HPSE2: variants seen among roughly 807,000 people sequenced by gnomAD.
HPSE2 encodes the protein inactive heparanase-2.
HPSE2 carries 38 observed loss-of-function variants against 60.5 expected under a neutral mutation model. The ratio of observed to expected loss-of-function variants is 0.63; its 90% confidence interval spans 0.48 to 0.82. HPSE2 has a LOEUF of 0.82. Ranked by LOEUF, HPSE2 falls within the 40% of genes least tolerant of loss-of-function variation. The probability of loss-of-function intolerance (pLI) is 0.00; values close to 1 mark genes in which losing one functional copy is unlikely to be tolerated. For synonymous variants in HPSE2, 295 were observed against 293.2 expected, an observed-to-expected ratio of 1.01 and a Z score of -0.06; for missense variants, 713 against 740.4, an observed-to-expected ratio of 0.96 and a Z score of 0.43.
intron 9 of HPSE2, among the ~76,000 whole-genome samples, chr10:98,492,788 C>G (rs977612224): frequency 4.0e-5 from 6 of 148,594 alleles, no homozygotes; most frequent in Non-Finnish European, 8.8e-5. Flanking sequence ...TAATGACCAA[C>G]ATTTTTTCCC....
At chr10:98,532,248 T>G (rs1943153194) in intron 9 of HPSE2, among the ~76,000 whole-genome samples, 1 of 152,164 alleles carries the variant, frequency 6.6e-6, no homozygotes, top group African/African-American at 2.4e-5. Context: ...TCTCCCAAAT[T>G]GTTTGTTATG....
At chr10:99,311,570 G>C in the HPSE2 span, among the ~76,000 whole-genome samples, 5 of 152,306 alleles carry the variant, frequency 3.3e-5, no homozygotes, top group South Asian at 1.0e-3. Context: ...TGTTGTGTGT[G>C]TTCTGACTGC....
rs1040769171 is a variant in HPSE2, at chr10:98,744,442, G to A, written c.611-386C>T. 5.9e-5 allele frequency among the ~76,000 whole-genome samples: 9 copies of A among 152,130 alleles called. No individual in the cohort carries two copies. The South Asian group carries it at 6.2e-4, about 11-fold the overall frequency. On this transcript the variant is annotated intron_variant, in intron 3 of 11. Transcript: ENST00000370552. ...CTCAGAAGGCTGAGGCAGGAGAATC[G>A]CTTGAACCTGGGAAGCTGAGGTTGT...
intron 3 of HPSE2, among the ~76,000 whole-genome samples, chr10:98,942,225 C>T (rs530139007): frequency 2.1e-5 from 3 of 141,606 alleles, no homozygotes; most frequent in Admixed American, 7.1e-5. Flanking sequence ...CCAAAATTGA[C>T]AAATGGGATC....
At chr10:98,883,092 G>A (rs184055890) in intron 3 of HPSE2, among the ~76,000 whole-genome samples, 93 of 152,212 alleles carry the variant, frequency 6.1e-4, no homozygotes, top group African/African-American at 2.1e-3. Context: ...TCCTAGCTCT[G>A]AAGGGCTATC....
At chr10:98,564,355 C>A (rs528974366) in intron 9 of HPSE2, among the ~76,000 whole-genome samples, 147 of 152,274 alleles carry the variant, frequency 9.7e-4, no homozygotes, top group Non-Finnish European at 1.6e-3. Flanking sequence ...AATAGTAGTA[C>A]TAAATTTATA....
At chr10:99,121,576 GCAGT>G (rs1484748171) in intron 3 of HPSE2, among the ~76,000 whole-genome samples, 1 of 151,846 alleles carries the variant, frequency 6.6e-6, no homozygotes, top group African/African-American at 2.4e-5. Flanking sequence ...ACCTTCACTC[GCAGT>G]CAATGAAATA....
At chr10:98,570,602 G>C (rs775797320) in intron 9 of HPSE2, among the ~76,000 whole-genome samples, 1 of 151,904 alleles carries the variant, frequency 6.6e-6, no homozygotes, top group Non-Finnish European at 1.5e-5. Flanking sequence ...GTAATGACTT[G>C]GTAGTTGGAT....
At chr10:98,997,384 G>T (rs1416665394) in intron 3 of HPSE2, among the ~76,000 whole-genome samples, 4 of 151,988 alleles carry the variant, frequency 2.6e-5, no homozygotes, top group African/African-American at 9.7e-5. Flanking sequence ...CCAAACTGCT[G>T]GGATTACAGG....
intron 3 of HPSE2, among the ~76,000 whole-genome samples, chr10:98,780,480 TTGTTA>T (rs1479177510): frequency 4.7e-4 from 72 of 152,314 alleles, no homozygotes; most frequent in Middle Eastern, 3.4e-3. Context: ...AGAATTGAGT[TTGTTA>T]TATCAATAAA....
chr10:98,915,680 T>C (rs915408859), intron 3 of HPSE2, among the ~76,000 whole-genome samples: 1 of 152,184 alleles, frequency 6.6e-6, no homozygotes, highest in Non-Finnish European at 1.5e-5. Flanking sequence ...TTTTCCTCTG[T>C]GAAAACTTGA....
At chr10:98,912,160 A>AT in intron 3 of HPSE2, among the ~76,000 whole-genome samples, 1 of 152,170 alleles carries the variant, frequency 6.6e-6, no homozygotes, top group East Asian at 1.9e-4. Flanking sequence ...TTGGATGTTT[A>AT]TTTTGGGAAA....
chr10:98,920,838 A>G (rs928847644), intron 3 of HPSE2, among the ~76,000 whole-genome samples: 4 of 152,226 alleles, frequency 2.6e-5, no homozygotes, highest in Non-Finnish European at 2.9e-5. Flanking sequence ...GGCACAAGCA[A>G]TTCAGGCAGA....
chr10:99,073,921 C>T (rs1842877788), intron 3 of HPSE2, among the ~76,000 whole-genome samples: 2 of 147,066 alleles, frequency 1.4e-5, no homozygotes, highest in South Asian at 4.2e-4. Context: ...TTACTCAATC[C>T]ATTTATTAGT....
chr10:99,102,856 A>G (rs1189862142), intron 3 of HPSE2, among the ~76,000 whole-genome samples: 1 of 152,234 alleles, frequency 6.6e-6, no homozygotes, highest in African/African-American at 2.4e-5. Flanking sequence ...GTAATCCATC[A>G]TATAAACAGA....
intron 3 of HPSE2, among the ~76,000 whole-genome samples, chr10:99,134,730 T>A (rs1033143493): frequency 2.6e-5 from 4 of 152,084 alleles, no homozygotes; most frequent in Admixed American, 6.6e-5. Flanking sequence ...ACACTAAATC[T>A]GGAAAGGAAC....
At chr10:99,104,818 A>T (rs1345504898) in intron 3 of HPSE2, among the ~76,000 whole-genome samples, 1 of 152,150 alleles carries the variant, frequency 6.6e-6, no homozygotes, top group African/African-American at 2.4e-5. Context: ...AAGGACAAAA[A>T]ACCAAACACC....
intron 4 of HPSE2, among the ~76,000 whole-genome samples, chr10:98,726,968 A>G (rs145308065): frequency 6.6e-6 from 1 of 152,188 alleles, no homozygotes; most frequent in Non-Finnish European, 1.5e-5. Context: ...AAAAGGTGGA[A>G]GGCTTACTGG....
intron 3 of HPSE2, among the ~76,000 whole-genome samples, chr10:99,075,167 C>T (rs1398308569): frequency 1.3e-5 from 2 of 152,124 alleles, no homozygotes; most frequent in Admixed American, 1.3e-4. Context: ...ACATTTATCA[C>T]TATCAACTTT....
Sources: allele counts gnomAD v4.1 joint callset (sites outside exome capture counted in the v4.1 genomes callset), GRCh38; gene constraint gnomAD v4.1.1; transcripts MANE v1.5; gene names NCBI Gene and HGNC (gene_info 2026-07-23, HGNC 2026-07-21).